Variants in CNTNAP2 observed in about 807,000 individuals in gnomAD.
CNTNAP2 encodes the protein contactin-associated protein-like 2.
Under a neutral mutation model 155.2 loss-of-function variants are expected in CNTNAP2, and 98 were observed. The ratio of observed to expected loss-of-function variants is 0.63; its 90% confidence interval spans 0.54 to 0.75. CNTNAP2 has a LOEUF of 0.75. CNTNAP2 is among the 30% of genes least tolerant of loss of function. The pLI, the probability that CNTNAP2 is intolerant of heterozygous loss-of-function variation, is 0.00. For synonymous variants in CNTNAP2, 651 were observed against 631.2 expected (o/e 1.03, Z -0.47); for missense variants, 1,727 against 1,688.1 (o/e 1.02, Z -0.40).
chr7:147,759,144 C>T (rs1797260942), intron 13 of CNTNAP2, among the ~76,000 whole-genome samples: 1 of 152,134 alleles, frequency 6.6e-6, no homozygotes, highest in African/African-American at 2.4e-5. Context: ...TCAGTCCCTC[C>T]TCCCATGCGT....
intron 14 of CNTNAP2, among the ~76,000 whole-genome samples, chr7:147,916,613 G>T (rs1179325524): frequency 7.0e-6 from 1 of 142,952 alleles, no homozygotes; most frequent in Non-Finnish European, 1.5e-5. Flanking sequence ...AAAAAATACA[G>T]TGTATTTCCC....
chr7:146,938,494 T>G (rs1484547167), intron 3 of CNTNAP2, among the ~76,000 whole-genome samples: 3 of 151,312 alleles, frequency 2.0e-5, no homozygotes, highest in African/African-American at 7.3e-5. Flanking sequence ...CTACTTCTTT[T>G]GTACATTGTA....
chr7:148,394,907 T>C (rs986809829), intron 22 of CNTNAP2, among the ~76,000 whole-genome samples: 1 of 152,120 alleles, frequency 6.6e-6, no homozygotes, highest in Non-Finnish European at 1.5e-5. Context: ...TGGGAGCAGA[T>C]CTTTGACAAC....
chr7:147,252,671 T>G (rs981992460), intron 8 of CNTNAP2, among the ~76,000 whole-genome samples: 3 of 152,214 alleles, frequency 2.0e-5, no homozygotes. Context: ...TGCTTTTCAG[T>G]CCTTGGATTC....
intron 4 of CNTNAP2, among the ~76,000 whole-genome samples, chr7:147,105,564 T>C (rs1800749247): frequency 6.6e-6 from 1 of 152,028 alleles, no homozygotes; most frequent in African/African-American, 2.4e-5. Context: ...GGATGTTCTT[T>C]ACATTGTTGT....
At chr7:146,166,938 C>G (rs1798320646) in intron 1 of CNTNAP2, among the ~76,000 whole-genome samples, 1 of 152,166 alleles carries the variant, frequency 6.6e-6, no homozygotes, top group East Asian at 1.9e-4. Flanking sequence ...AAGTCCGAAA[C>G]CACATGTGAG....
chr7:147,267,382 AC>A (rs1242904957), intron 8 of CNTNAP2, among the ~76,000 whole-genome samples: 1 of 152,200 alleles, frequency 6.6e-6, no homozygotes, highest in Non-Finnish European at 1.5e-5. Flanking sequence ...AATGAGTGAT[AC>A]TCAACGATTG....
intron 1 of CNTNAP2, among the ~76,000 whole-genome samples, chr7:146,584,518 G>T (rs2129148364): frequency 6.6e-6 from 1 of 152,260 alleles, no homozygotes; most frequent in Middle Eastern, 3.4e-3. Flanking sequence ...TTTCCACAGT[G>T]GTGCATTCCT....
At chr7:146,166,541 C>G (rs1387990705) in intron 1 of CNTNAP2, among the ~76,000 whole-genome samples, 1 of 152,100 alleles carries the variant, frequency 6.6e-6, no homozygotes, top group African/African-American at 2.4e-5. Flanking sequence ...CATGAACTTA[C>G]TTAAATGATA....
intron 1 of CNTNAP2, among the ~76,000 whole-genome samples, chr7:146,769,070 T>C (rs1802248612): frequency 1.3e-5 from 2 of 152,222 alleles, no homozygotes; most frequent in Admixed American, 6.5e-5. Flanking sequence ...AGGATTCATA[T>C]AGCTAGTCTG....
At chr7:148,112,868 TA>T (rs71527879) in intron 15 of CNTNAP2, among the ~76,000 whole-genome samples, 17 of 149,964 alleles carry the variant, frequency 1.1e-4, no homozygotes, top group East Asian at 2.0e-4. Flanking sequence ...TTTTTTTTTT[TA>T]AAAAAAAATA....
intron 1 of CNTNAP2, among the ~76,000 whole-genome samples, chr7:146,538,458 A>C (rs1797902884): frequency 6.6e-6 from 1 of 152,162 alleles, no homozygotes; most frequent in Non-Finnish European, 1.5e-5. Context: ...TGCTCTATTC[A>C]TGGCACAGGG....
At chr7:146,665,327 A>T (rs966722503) in intron 1 of CNTNAP2, among the ~76,000 whole-genome samples, 1 of 152,140 alleles carries the variant, frequency 6.6e-6, no homozygotes, top group African/African-American at 2.4e-5. Flanking sequence ...ACTATTATTG[A>T]TTGTTACAAA....
intron 15 of CNTNAP2, among the ~76,000 whole-genome samples, chr7:148,018,329 G>A (rs1585080094): frequency 6.6e-6 from 1 of 152,112 alleles, no homozygotes. Context: ...CTTAATTTCA[G>A]TTTATTTATT....
chr7:146,251,515 T>C (rs1311905369), intron 1 of CNTNAP2, among the ~76,000 whole-genome samples: 1 of 152,202 alleles, frequency 6.6e-6, no homozygotes, highest in East Asian at 1.9e-4. Flanking sequence ...TTAAGAATTT[T>C]ATTTTGAAGA....
intron 12 of CNTNAP2, among the ~76,000 whole-genome samples, chr7:147,564,937 C>G (rs1465032197): frequency 6.6e-6 from 1 of 152,160 alleles, no homozygotes; most frequent in Non-Finnish European, 1.5e-5. Context: ...CCTTTCAGTT[C>G]TTTGCCACTA....
intron 1 of CNTNAP2, among the ~76,000 whole-genome samples, chr7:146,440,775 A>G (rs981838633): frequency 2.0e-5 from 3 of 151,692 alleles, no homozygotes; most frequent in Admixed American, 2.0e-4. Context: ...CACTTGTGGT[A>G]ACATAAATAC....
intron 1 of CNTNAP2, among the ~76,000 whole-genome samples, chr7:146,686,092 T>C (rs1232069985): frequency 6.6e-6 from 1 of 151,714 alleles, no homozygotes; most frequent in African/African-American, 2.4e-5. Flanking sequence ...AGTTCAGGAG[T>C]TTAAGATCAT....
chr7:146,503,074 T>C (rs758263411), intron 1 of CNTNAP2, among the ~76,000 whole-genome samples: 15 of 152,220 alleles, frequency 9.9e-5, no homozygotes, highest in Non-Finnish European at 1.8e-4. Context: ...GAGTTCCTTA[T>C]TTATTCTGGT....
Sources: gnomAD v4.1 joint callset for allele counts (sites outside exome capture counted in the v4.1 genomes callset) on GRCh38, gnomAD v4.1.1 for gene constraint, MANE v1.5 for transcripts, NCBI Gene and HGNC (gene_info 2026-07-23, HGNC 2026-07-21) for gene names.